KDM4B: variants seen among roughly 807,000 people sequenced by gnomAD.
KDM4B encodes the protein lysine demethylase 4B.
A neutral mutation model predicts 125.2 loss-of-function variants in KDM4B; 32 were observed. The observed-to-expected ratio is 0.26, with a 90% CI of 0.19 to 0.34. KDM4B has a LOEUF of 0.34. KDM4B is among the 10% of genes least tolerant of loss of function. The probability of loss-of-function intolerance (pLI) is 1.00; values close to 1 mark genes in which losing one functional copy is unlikely to be tolerated. For missense variants in KDM4B, 1,190 were observed against 1,577.7 expected (o/e 0.75, Z 4.16); for synonymous variants, 721 against 677.9 (o/e 1.06, Z -0.99).
In KDM4B at chr19:4,969,143, C is replaced by T. The variant is rs1486234456; in HGVS notation, c.-196C>T. 2.6e-5 allele frequency: 4 copies of T among 151,000 alleles called. No homozygotes were observed. The highest frequency in any genetic ancestry group is 2.0e-4 in the East Asian group (1 of 5,112). 9.4% of individuals were successfully genotyped at this position (151,000 alleles called of 1,614,324 possible). A position where few individuals can be genotyped will look rare whatever the true frequency, so the allele number is the denominator to read the frequency against. On this transcript the variant is annotated 5_prime_UTR_variant, in exon 1 of 23. Transcript: ENST00000159111. ...TCGGTCGCCAGCAACCGAGCGGGGC[C>T]CGGCCCGAGCGGGGCCTGGGGGTGC...
chr19:5,001,963 G>A (rs1193802669), intron 1 of KDM4B, among the ~76,000 whole-genome samples: 1 of 151,210 alleles, frequency 6.6e-6, no homozygotes, highest in Non-Finnish European at 1.5e-5. Context: ...AACCTCTGTG[G>A]TATGTATTGC....
rs1353279598 is a variant in KDM4B at position 5,142,279 on chromosome 19, C to G, written c.2551-1688C>G. Among the ~76,000 whole-genome samples the G allele has an allele frequency of 6.6e-6, 1 of 152,182 alleles. No individual in the cohort carries two copies. The highest frequency in any genetic ancestry group is 1.9e-4 in the East Asian group (1 of 5,142). On this transcript the variant is annotated intron_variant, in intron 18 of 22. Coordinates refer to ENST00000159111, the MANE Select transcript of KDM4B (RefSeq NM_015015.3). The surrounding 1 kb of genome is among the most constrained non-coding windows in gnomAD (Gnocchi z 5.4). The stretch of plus-strand genomic sequence containing the variant: ...CACACTGGCCTGGGCCAGGCCAGCA[C>G]TGGATGTGGGTCTTCAAACTGCGGC...
chr19:5,131,464 G>C lies in KDM4B; in HGVS notation c.1704G>C (p.Met568Ile). Residue 568 changes from methionine to isoleucine, a missense_variant, in exon 12 of 23, where the codon ATG becomes ATC. Met to Ile is a conservative substitution (Grantham distance 10). Transcript: ENST00000159111. ...GPTWKEPVSP[M>I]ELTGPEDGAA... Reference sequence around the variant, plus strand: ...CCTGGAAGGAACCAGTTTCCCCCATGGAGCTGACGGGGCCAGAGGACGGTG... The same window carrying C: ...CCTGGAAGGAACCAGTTTCCCCCATCGAGCTGACGGGGCCAGAGGACGGTG... 2 of 1,596,706 alleles carry C rather than the reference G, an allele frequency of 1.3e-6. No homozygotes were observed. The highest frequency in any genetic ancestry group is 1.7e-6 in the Non-Finnish European group (2 of 1,175,608).
chr19:5,100,842 G>A (rs182547087), intron 9 of KDM4B, among the ~76,000 whole-genome samples: 77 of 152,150 alleles, frequency 5.1e-4, no homozygotes, highest in Non-Finnish European at 8.5e-4. Flanking sequence ...TATTCCTTTT[G>A]TTATAAGCCC....
Position 5,152,682 on chromosome 19 carries a change from C to T in KDM4B, c.*1171C>T, listed in dbSNP as rs2039969325. The T allele has an allele frequency of 6.6e-6, 1 of 152,304 alleles. No individual in the cohort carries two copies. The highest frequency in any genetic ancestry group is 2.1e-4 in the South Asian group (1 of 4,836). 9.4% of individuals were successfully genotyped at this position (152,304 alleles called of 1,614,324 possible). A position where few individuals can be genotyped will look rare whatever the true frequency, so the allele number is the denominator to read the frequency against. The stretch of plus-strand genomic sequence containing the variant: ...GTTGAGCTGATAGAGAAAAAACGGC[C>T]TTCAGCCCAGGCTGGGAAGCGCCTT... On this transcript the variant is annotated 3_prime_UTR_variant, in exon 23 of 23. Coordinates refer to ENST00000159111, the MANE Select transcript of KDM4B (RefSeq NM_015015.3).
chr19:5,083,236 G>C (rs1195415629), intron 9 of KDM4B, among the ~76,000 whole-genome samples: 1 of 152,184 alleles, frequency 6.6e-6, no homozygotes, highest in Non-Finnish European at 1.5e-5. Context: ...GGCTGTTCTC[G>C]ACCATGCGGA....
At chr19:5,012,078 T>G (rs1049760096) in intron 1 of KDM4B, among the ~76,000 whole-genome samples, 1 of 152,192 alleles carries the variant, frequency 6.6e-6, no homozygotes, top group Non-Finnish European at 1.5e-5. Flanking sequence ...TGCAGGCTTC[T>G]GTCATGCTGC....
chr19:5,032,820 G>C, intron 2 of KDM4B, 46 bp from the exon 3 acceptor site: 1 of 1,555,196 alleles, frequency 6.4e-7, no homozygotes. Context: ...CCAAGGGCTG[G>C]GCATGGCGGC....
chr19:5,122,418 G>A (rs1455767886), intron 11 of KDM4B, among the ~76,000 whole-genome samples: 2 of 152,194 alleles, frequency 1.3e-5, no homozygotes, highest in African/African-American at 2.4e-5. Context: ...CAGGCTCCAG[G>A]GATAAGGATG....
At chr19:5,075,023 C>CAGGCGT (rs1568277948) in intron 7 of KDM4B, 3 of 152,294 alleles carry the variant, frequency 2.0e-5, no homozygotes, top group Non-Finnish European at 4.4e-5. Context: ...GACGCAGGCG[C>CAGGCGT]AGCCGGGAGA....
At chr19:4,977,214 G>T (rs1009222847) in intron 1 of KDM4B, among the ~76,000 whole-genome samples, 39 of 152,172 alleles carry the variant, frequency 2.6e-4, no homozygotes, top group Non-Finnish European at 5.4e-4. Context: ...CCTCTTTGGC[G>T]GTGGCCGAGC....
rs117410971 is a variant in KDM4B, at chr19:5,033,659, A to G, written c.141+628A>G. On this transcript the variant is annotated intron_variant, in intron 3 of 22. Transcript: ENST00000159111. ...GGGTCAGGAAAACTCAAACAGGGCG[A>G]CAGCGCAGGTACATAGTGACCAGGA... Among the ~76,000 whole-genome samples, 627 of 152,316 alleles carry G rather than the reference A, an allele frequency of 4.1e-3. 9 individuals carry two copies. The highest frequency in any genetic ancestry group is 6.8e-3 in the Middle Eastern group (2 of 294).
rs554964108 is a variant in KDM4B at position 5,136,148 on chromosome 19, A to G, written c.2308+587A>G. Among the ~76,000 whole-genome samples the G allele has an allele frequency of 2.2e-4, 33 of 152,282 alleles. No individual in the cohort carries two copies. The South Asian group carries it at 6.6e-3, about 31-fold the overall frequency. On this transcript the variant is annotated intron_variant, in intron 15 of 22. Coordinates refer to ENST00000159111, the MANE Select transcript of KDM4B (RefSeq NM_015015.3). ...TGGACAGTTCTGCCGAGTCTTCTCC[A>G]AGGCCTGGGAGGCGACAGGAGGAAC...
chr19:4,991,128 A>G (rs1302713226), intron 1 of KDM4B, among the ~76,000 whole-genome samples: 1 of 152,134 alleles, frequency 6.6e-6, no homozygotes, highest in Non-Finnish European at 1.5e-5. Flanking sequence ...AAAAAATAGT[A>G]AAGCAAAAAA....
chr19:5,042,938 ATAAT>A (rs1235945746), intron 5 of KDM4B, among the ~76,000 whole-genome samples: 4 of 149,132 alleles, frequency 2.7e-5, no homozygotes, highest in African/African-American at 9.9e-5. Context: ...AAAGTTTTTA[ATAAT>A]TTTGTGCACG....
At chr19:5,015,818 T>C (rs1357387039) in intron 1 of KDM4B, among the ~76,000 whole-genome samples, 1 of 152,244 alleles carries the variant, frequency 6.6e-6, no homozygotes. Context: ...CCTTGGCCCC[T>C]GTGCGGTCGC....
chr19:5,066,600 G>A (rs937681286), intron 6 of KDM4B, among the ~76,000 whole-genome samples: 3 of 152,192 alleles, frequency 2.0e-5, no homozygotes, highest in African/African-American at 7.2e-5. Context: ...GCTTTGGCTT[G>A]CACATGACTG....
chr19:5,151,545 C>T lies in KDM4B; in HGVS notation c.*34C>T, dbSNP rs531476679. ...GCCGCTCAGGCGACCCTCAGCCCGG[C>T]GGGGAGGCCATGGCATGCCCCGGGC... On this transcript the variant is annotated 3_prime_UTR_variant, in exon 23 of 23. Transcript: ENST00000159111. 443 of 1,312,720 alleles carry T rather than the reference C, an allele frequency of 3.4e-4. 1 individual carries two copies. In the South Asian group the frequency reaches 7.3e-3, roughly 22 times the overall value. The allele number at this position is 1,312,720 out of a possible 1,614,324, so 81.3% of individuals were successfully genotyped here.
intron 6 of KDM4B, among the ~76,000 whole-genome samples, chr19:5,062,710 A>T (rs866903320): frequency 6.8e-6 from 1 of 147,510 alleles, no homozygotes; most frequent in South Asian, 2.1e-4. Context: ...GTTTAATTCT[A>T]TAGTTTTACC....
Sources: allele counts gnomAD v4.1 joint callset (sites outside exome capture counted in the v4.1 genomes callset), GRCh38; gene constraint gnomAD v4.1.1; non-coding constraint Gnocchi (gnomAD v3.1); transcripts MANE v1.5; gene names NCBI Gene and HGNC (gene_info 2026-07-23, HGNC 2026-07-21).